Variants in PNPLA4 observed in about 807,000 individuals in gnomAD.
PNPLA4 encodes the protein patatin like domain 4, phospholipase and triacylglycerol lipase, also known as patatin-like phospholipase domain-containing protein 4.
In PNPLA4, 15 loss-of-function variants were observed where a neutral mutation model predicts 18.3. The observed-to-expected ratio is 0.82, with a 90% CI of 0.55 to 1.26. The LOEUF (loss-of-function observed/expected upper bound fraction) is 1.26. Ranked by LOEUF, PNPLA4 falls within the 50% of genes most tolerant of loss-of-function variation. The pLI is 0.00. For missense variants in PNPLA4, 229 were observed against 196.8 expected (o/e 1.16, Z -0.98); for synonymous variants, 88 against 85.6 (o/e 1.03, Z -0.16).
At chrX:7,920,574 C>G (rs1343345566) in intron 4 of PNPLA4, among the ~76,000 whole-genome samples, 2 of 112,363 alleles carry the variant, frequency 1.8e-5, no homozygotes, top group African/African-American at 6.5e-5. Flanking sequence ...AATCTTACCA[C>G]TTACTCTCAA....
chrX:7,925,851 A>T, intron 2 of PNPLA4, 89 bp downstream of exon 2: 2 of 714,802 alleles, frequency 2.8e-6, no homozygotes, highest in Non-Finnish European at 4.1e-6. Flanking sequence ...ATTTCTCTGC[A>T]GTGTTAACTT....
rs1924216424 is a variant in PNPLA4 at position 7,921,561 on chromosome X, C to G, written c.411+152G>C. On this transcript the variant is annotated intron_variant, in intron 4 of 6. Transcript: ENST00000381042. ...CAGGAGGGATCCTGGCGAATACTTT[C>G]ATCAAACAAGTAATTTACTGAGCAC... 10 of 518,268 alleles carry G rather than the reference C, an allele frequency of 1.9e-5. No homozygotes were observed. In the Admixed American group the frequency reaches 3.4e-4, roughly 17 times the overall value. 42.7% of individuals were successfully genotyped at this position (518,268 alleles called of 1,213,427 possible).
At position 7,899,980 on chromosome X, in the gene PNPLA4, C is replaced by G. The variant is rs774461939; in HGVS notation, c.*706G>C. 8.9e-6 allele frequency: 1 copy of G among 112,049 alleles called. No homozygotes were observed. The highest frequency in any genetic ancestry group is 1.9e-5 in the Non-Finnish European group (1 of 53,442). 9.2% of individuals were successfully genotyped at this position (112,049 alleles called of 1,213,427 possible). The stretch of plus-strand genomic sequence containing the variant: ...CCCATGCTATTCTCATGATAGTGAA[C>G]GAGTCTCAAGAGATCCGATGGTTTT... On this transcript the variant is annotated 3_prime_UTR_variant, in exon 7 of 7. Transcript: ENST00000381042.
Position 7,925,942 on chromosome X carries a change from C to CT in PNPLA4, c.177dup (p.Glu60ArgfsTer4). 1 of 1,207,823 alleles carries CT rather than the reference C, an allele frequency of 8.3e-7. No homozygotes were observed. The highest frequency in any genetic ancestry group is 1.7e-5 in the African/African-American group (1 of 57,773). On this transcript the variant is annotated frameshift_variant, in exon 2 of 7. Coordinates refer to ENST00000381042, the MANE Select transcript of PNPLA4 (RefSeq NM_004650.3). ...AGCCTAAGTTACTACTTAATTACCT[C>CT]TATTTTTTCTGGTGCTGTTAGCAGA...
At chrX:7,920,030 T>C (rs1050714077) in intron 4 of PNPLA4, among the ~76,000 whole-genome samples, 3 of 111,816 alleles carry the variant, frequency 2.7e-5, no homozygotes, top group Non-Finnish European at 1.9e-5. Flanking sequence ...GAGAAACCCC[T>C]GCCTCTTGGA....
At chrX:7,914,222 G>A (rs748573753) in intron 4 of PNPLA4, among the ~76,000 whole-genome samples, 1 of 111,908 alleles carries the variant, frequency 8.9e-6, no homozygotes, top group Non-Finnish European at 1.9e-5. Flanking sequence ...AACTTTAAAT[G>A]GCCCGCATAA....
rs1318373043 is a variant in PNPLA4, at chrX:7,927,411, A to T, written c.-139T>A. The T allele has an allele frequency of 8.8e-6, 1 of 113,383 alleles. No homozygotes were observed. The highest frequency in any genetic ancestry group is 1.9e-5 in the Non-Finnish European group (1 of 53,344). 9.3% of individuals were successfully genotyped at this position (113,383 alleles called of 1,213,427 possible). A position where few individuals can be genotyped will look rare whatever the true frequency, so the allele number is the denominator to read the frequency against. ...CGCTCTCCGCGAGCCGGCCCAGGAA[A>T]GTCCTGCGGCAGGGGTTGGTACCGC... On this transcript the variant is annotated 5_prime_UTR_variant, in exon 1 of 7. Transcript: ENST00000381042.
intron 1 of PNPLA4, 135 bp downstream of exon 1, chrX:7,927,151 G>A (rs1237462654): frequency 1.8e-5 from 2 of 113,494 alleles, no homozygotes; most frequent in Non-Finnish European, 3.7e-5. Flanking sequence ...GGGGTTGGGT[G>A]TGTAGCAACC....
At chrX:7,927,246 C>T (rs1410993731) in intron 1 of PNPLA4, 40 bp downstream of exon 1, 4 of 113,592 alleles carry the variant, frequency 3.5e-5, no homozygotes, top group African/African-American at 1.3e-4. Flanking sequence ...CGCATCAGTC[C>T]CGCAGGAGCA....
intron 4 of PNPLA4, among the ~76,000 whole-genome samples, chrX:7,913,438 G>A (rs1193972142): frequency 8.9e-6 from 1 of 112,321 alleles, no homozygotes; most frequent in African/African-American, 3.2e-5. Context: ...CACAGGCCTG[G>A]TTGTAACAGC....
At chrX:7,907,575 T>C (rs1195589527) in intron 5 of PNPLA4, among the ~76,000 whole-genome samples, 1 of 112,286 alleles carries the variant, frequency 8.9e-6, no homozygotes, top group African/African-American at 3.2e-5. Flanking sequence ...GTCAAAAATA[T>C]AGGACTAAAC....
chrX:7,904,169 A>T (rs1400334023), intron 5 of PNPLA4, among the ~76,000 whole-genome samples: 1 of 112,152 alleles, frequency 8.9e-6, no homozygotes, highest in Non-Finnish European at 1.9e-5. Flanking sequence ...GTCATCAACG[A>T]TGTAAAAATT....
chrX:7,909,721 T>C (rs1449296304), intron 5 of PNPLA4, among the ~76,000 whole-genome samples: 1 of 111,067 alleles, frequency 9.0e-6, no homozygotes, highest in Non-Finnish European at 1.9e-5. Context: ...CAAGAGCTGC[T>C]GGAGCTCCAG....
chrX:7,907,699 A>C (rs1452449151), intron 5 of PNPLA4, among the ~76,000 whole-genome samples: 1 of 110,861 alleles, frequency 9.0e-6, no homozygotes, highest in Non-Finnish European at 1.9e-5. Context: ...TTAAAATAAT[A>C]TTTTTTAAAA....
intron 5 of PNPLA4, among the ~76,000 whole-genome samples, chrX:7,903,286 A>G (rs1044930321): frequency 3.1e-4 from 32 of 102,774 alleles, no homozygotes; most frequent in Admixed American, 4.2e-4. Context: ...TTATTTATTT[A>G]TTTATTTATT....
At position 7,921,805 on chromosome X, in the gene PNPLA4, C is replaced by A; in HGVS notation, c.319G>T (p.Ala107Ser). The change falls in exon 4 of 7, where the codon GCC (alanine) becomes TCC (serine). Residue 107 changes from alanine to serine, a missense_variant. Coordinates refer to ENST00000381042, the MANE Select transcript of PNPLA4 (RefSeq NM_004650.3). ...SILPPSAHEL[A>S]QNRLHVSITN... is the part of the protein sequence containing the mutation. ...ATGGATACGTGCAGTCGGTTCTGGGCCAGCTCGTGAGCGCTGGGAGGAAGA... is the reference window on the plus strand; with the variant it reads ...ATGGATACGTGCAGTCGGTTCTGGGACAGCTCGTGAGCGCTGGGAGGAAGA... 1.7e-6 allele frequency: 2 copies of A among 1,208,904 alleles called. No individual in the cohort carries two copies. The highest frequency in any genetic ancestry group is 2.2e-6 in the Non-Finnish European group (2 of 893,167).
At chrX:7,909,335 G>A (rs1162584927) in intron 5 of PNPLA4, among the ~76,000 whole-genome samples, 1 of 111,588 alleles carries the variant, frequency 9.0e-6, no homozygotes, top group African/African-American at 3.3e-5. Flanking sequence ...CAAGGCGGGT[G>A]GATCACGAGG....
Sources: allele counts gnomAD v4.1 joint callset (sites outside exome capture counted in the v4.1 genomes callset), GRCh38; gene constraint gnomAD v4.1.1; transcripts MANE v1.5; gene names NCBI Gene and HGNC (gene_info 2026-07-23, HGNC 2026-07-21).